The following ECE1 variants were observed in gnomAD, a reference collection of about 807,000 sequenced individuals.
ECE1 encodes endothelin converting enzyme 1.
ECE1 carries 35 observed loss-of-function variants against 98.6 expected under a neutral mutation model. That is an observed-to-expected ratio of 0.35 (90% confidence interval 0.27 to 0.47). The LOEUF (loss-of-function observed/expected upper bound fraction) is 0.47. Among genes scored for constraint, ECE1 ranks in the 20% least tolerant of loss-of-function variants. The pLI is 1.00. For missense variants in ECE1, 814 were observed against 1,025.3 expected, an observed-to-expected ratio of 0.79 and a Z score of 2.81; for synonymous variants, 394 against 407.1, an observed-to-expected ratio of 0.97 and a Z score of 0.39.
At chr1:21,259,418 T>A (rs910919994) in intron 5 of ECE1, among the ~76,000 whole-genome samples, 1 of 152,042 alleles carries the variant, frequency 6.6e-6, no homozygotes, top group Non-Finnish European at 1.5e-5. Flanking sequence ...CAGGTGTGTA[T>A]CACCACACCT....
chr1:21,252,295 C>CA (rs1335403962), intron 8 of ECE1, among the ~76,000 whole-genome samples: 2 of 152,198 alleles, frequency 1.3e-5, no homozygotes, highest in Non-Finnish European at 2.9e-5. Context: ...CTTTAGTGAA[C>CA]TCCTATCTTA....
At position 21,345,386 on chromosome 1, in the gene ECE1, G is replaced by A; in HGVS notation, c.-8C>T. On this transcript the variant is annotated 5_prime_UTR_variant, in exon 1 of 19. Transcript: ENST00000415912. This position sits in a 1 kb window ranked among gnomAD's most constrained non-coding sequence, Gnocchi z 5.1. ...GCGCGCAGCACTCACCATAGCTCGCGTGCTCCGCCCCGGCTTCGCGCAGCT... is the reference window on the plus strand; with the variant it reads ...GCGCGCAGCACTCACCATAGCTCGCATGCTCCGCCCCGGCTTCGCGCAGCT... 3.7e-6 allele frequency: 5 copies of A among 1,340,698 alleles called. No individual in the cohort carries two copies. The highest frequency in any genetic ancestry group is 1.9e-6 in the Non-Finnish European group (2 of 1,035,770). 83.1% of individuals were successfully genotyped at this position (1,340,698 alleles called of 1,614,324 possible). A position where few individuals can be genotyped will look rare whatever the true frequency, so the allele number is the denominator to read the frequency against.
chr1:21,274,905 A>G (rs1453656793), intron 3 of ECE1, among the ~76,000 whole-genome samples: 1 of 152,210 alleles, frequency 6.6e-6, no homozygotes, highest in Non-Finnish European at 1.5e-5. Flanking sequence ...GCCATTTTAA[A>G]TATCTCTAAA....
At chr1:21,278,313 C>G (rs1034330512) in intron 3 of ECE1, among the ~76,000 whole-genome samples, 2 of 152,214 alleles carry the variant, frequency 1.3e-5, no homozygotes, top group Non-Finnish European at 2.9e-5. Context: ...GCTAGATCCA[C>G]TTAGTTGGAA....
intron 1 of ECE1, among the ~76,000 whole-genome samples, chr1:21,304,459 C>A (rs1163682570): frequency 3.9e-5 from 6 of 151,942 alleles, no homozygotes; most frequent in Admixed American, 2.6e-4. Flanking sequence ...AACCCCTTAT[C>A]TCCTCCTCAC....
intron 1 of ECE1, among the ~76,000 whole-genome samples, chr1:21,306,110 C>CA (rs1638589668): frequency 6.6e-6 from 1 of 152,184 alleles, no homozygotes; most frequent in Non-Finnish European, 1.5e-5. Flanking sequence ...TTTGCTCATT[C>CA]ATTCATTCAA....
chr1:21,290,126 C>T lies in ECE1; in HGVS notation c.82G>A (p.Glu28Lys), dbSNP rs1291635266. Residue 28 changes from glutamate to lysine, a missense_variant, in exon 2 of 19, where the codon GAG becomes AAG. Coordinates refer to ENST00000374893, the MANE Select transcript of ECE1 (RefSeq NM_001397.3). The surrounding 1 kb of genome is among the most constrained non-coding windows in gnomAD (Gnocchi z 7.3). ...GAGAGCGAGTCCACCAGGTCCTCCT[C>T]GTCCAGCGTGGCCCGCTTGTACGTC... ...MSTYKRATLD[E>K]EDLVDSLSEG... The T allele has an allele frequency of 6.4e-7, 1 of 1,561,542 alleles. No individual in the cohort carries two copies. Among genetic ancestry groups the T allele is most frequent in the South Asian group, 1.2e-5 (1 of 85,096 alleles).
At chr1:21,234,519 C>A (rs1160012702) in intron 13 of ECE1, among the ~76,000 whole-genome samples, 2 of 151,616 alleles carry the variant, frequency 1.3e-5, no homozygotes, top group African/African-American at 4.9e-5. Context: ...TGCTCTGTCG[C>A]CCACGCTGGA....
Position 21,233,744 on chromosome 1 carries a change from G to T in ECE1, c.1567-83C>A. The T allele has an allele frequency of 7.6e-7, 1 of 1,322,012 alleles. No individual in the cohort carries two copies. The highest frequency in any genetic ancestry group is 1.1e-6 in the Non-Finnish European group (1 of 926,662). The allele number at this position is 1,322,012 out of a possible 1,614,324, so 81.9% of individuals were successfully genotyped here. ...AGACAGGAAGCCAAGGGCTGTCATG[G>T]TTAAGAGATTAATCTGCAGGCTGGA... On this transcript the variant is annotated intron_variant, in intron 13 of 18. Coordinates refer to ENST00000374893, the MANE Select transcript of ECE1 (RefSeq NM_001397.3). The surrounding 1 kb of genome is among the most constrained non-coding windows in gnomAD (Gnocchi z 4.0).
intron 1 of ECE1, chr1:21,298,971 C>A: frequency 2.2e-6 from 1 of 444,906 alleles, no homozygotes; most frequent in Non-Finnish European, 4.5e-6. Flanking sequence ...TGCACCTCCT[C>A]ATGCTCCTGT....
At chr1:21,292,190 T>G (rs1160771845), upstream of ECE1, among the ~76,000 whole-genome samples, 3 of 151,970 alleles carry the variant, frequency 2.0e-5, no homozygotes, top group African/African-American at 7.3e-5. Context: ...ATTCTGATAT[T>G]ACCACTCCCT....
chr1:21,262,363 A>G (rs1463663505), intron 4 of ECE1, among the ~76,000 whole-genome samples: 1 of 152,202 alleles, frequency 6.6e-6, no homozygotes, highest in Non-Finnish European at 1.5e-5. Context: ...AAGCTGGGAT[A>G]CAGAAGATCA....
chr1:21,246,036 G>A (rs1381681619), intron 9 of ECE1, among the ~76,000 whole-genome samples: 1 of 152,070 alleles, frequency 6.6e-6, no homozygotes, highest in Non-Finnish European at 1.5e-5. Context: ...AGGCCAAGGT[G>A]GGAGGATTGC....
chr1:21,231,786 A>T (rs1451129409), intron 14 of ECE1, among the ~76,000 whole-genome samples: 1 of 151,938 alleles, frequency 6.6e-6, no homozygotes, highest in Non-Finnish European at 1.5e-5. Context: ...CTAATTTTTT[A>T]AATTTTTTGT....
intron 10 of ECE1, among the ~76,000 whole-genome samples, chr1:21,238,697 G>A (rs917774964): frequency 1.3e-5 from 2 of 152,182 alleles, no homozygotes; most frequent in African/African-American, 2.4e-5. Flanking sequence ...GGCAAAGAGC[G>A]GTGGAGAGTG....
intron 10 of ECE1, among the ~76,000 whole-genome samples, chr1:21,244,623 C>G (rs889196463): frequency 1.3e-5 from 2 of 152,174 alleles, no homozygotes; most frequent in African/African-American, 4.8e-5. Flanking sequence ...AATAATAACA[C>G]TGAACAGTCG....
intron 1 of ECE1, among the ~76,000 whole-genome samples, chr1:21,311,066 C>T (rs887045887): frequency 6.6e-6 from 1 of 152,198 alleles, no homozygotes; most frequent in Non-Finnish European, 1.5e-5. Context: ...ATTCTGCCAT[C>T]GTGGGCAATC....
chr1:21,308,345 C>T (rs933985961), intron 1 of ECE1, among the ~76,000 whole-genome samples: 6 of 152,308 alleles, frequency 3.9e-5, no homozygotes, highest in Admixed American at 2.6e-4. Flanking sequence ...GCCCCCACCC[C>T]GGAGACCACC....
At chr1:21,294,880 T>C (rs1483947387), upstream of ECE1, among the ~76,000 whole-genome samples, 1 of 152,234 alleles carries the variant, frequency 6.6e-6, no homozygotes, top group Admixed American at 6.5e-5. The surrounding 1 kb of genome is among the most constrained non-coding windows in gnomAD (Gnocchi z 4.2). Flanking sequence ...CTCAGCTCCT[T>C]AGAGACGCTG....
Sources: allele counts gnomAD v4.1 joint callset (sites outside exome capture counted in the v4.1 genomes callset), GRCh38; gene constraint gnomAD v4.1.1; non-coding constraint Gnocchi (gnomAD v3.1); transcripts MANE v1.5; gene names NCBI Gene and HGNC (gene_info 2026-07-23, HGNC 2026-07-21).